Variants in SHC2 observed in about 807,000 individuals in gnomAD.
SHC2 encodes the protein SHC adaptor protein 2.
SHC2 carries 62 observed loss-of-function variants against 60.6 expected under a neutral mutation model. That is an observed-to-expected ratio of 1.02 (90% CI 0.83 to 1.26). The LOEUF (loss-of-function observed/expected upper bound fraction) is 1.26, where lower values mean the gene tolerates loss of function less well. Ranked by LOEUF, SHC2 falls within the 50% of genes most tolerant of loss-of-function variation. SHC2 has a pLI of 0.00. For missense variants in SHC2, 873 were observed against 822.2 expected, an observed-to-expected ratio of 1.06 and a Z score of -0.76; for synonymous variants, 375 against 372.4, an observed-to-expected ratio of 1.01 and a Z score of -0.08.
At chr19:430,052 C>T (rs1974536816) in intron 9 of SHC2, among the ~76,000 whole-genome samples, 2 of 147,510 alleles carry the variant, frequency 1.4e-5, no homozygotes, top group African/African-American at 5.0e-5. Context: ...TGCACGGAAA[C>T]CTAATACCGT....
chr19:439,346 T>C (rs1324981693), intron 2 of SHC2: 23 of 437,926 alleles, frequency 5.3e-5, no homozygotes, highest in Non-Finnish European at 9.2e-5. Context: ...TACCACCCTC[T>C]TTCCCAGGGA....
chr19:443,966 T>G, intron 1 of SHC2, among the ~76,000 whole-genome samples: 1 of 135,632 alleles, frequency 7.4e-6, no homozygotes, highest in Admixed American at 7.3e-5. Context: ...GGATGGAGGG[T>G]GGATGGATGG....
intron 1 of SHC2, among the ~76,000 whole-genome samples, chr19:451,970 G>T (rs1438680303): frequency 6.6e-6 from 1 of 152,234 alleles, no homozygotes; most frequent in Non-Finnish European, 1.5e-5. Flanking sequence ...TGTGACTCCA[G>T]CCGTGGTGTC....
chr19:421,295 G>A (rs550292946), intron 11 of SHC2, among the ~76,000 whole-genome samples: 6 of 151,840 alleles, frequency 4.0e-5, no homozygotes, highest in African/African-American at 1.2e-4. Context: ...AGGTACTGGG[G>A]AAGCTGAGGC....
chr19:455,162 G>C (rs921547182), intron 1 of SHC2, among the ~76,000 whole-genome samples: 7 of 152,246 alleles, frequency 4.6e-5, no homozygotes, highest in African/African-American at 1.7e-4. Flanking sequence ...CCATGACAAA[G>C]TCACTGAGCT....
At chr19:459,839 C>G (rs1390254519) in intron 1 of SHC2, among the ~76,000 whole-genome samples, 1 of 152,202 alleles carries the variant, frequency 6.6e-6, no homozygotes, top group Non-Finnish European at 1.5e-5. Context: ...GCTGCTCTCT[C>G]AGAAGACGGG....
At chr19:421,245 G>A (rs1974261550) in intron 11 of SHC2, among the ~76,000 whole-genome samples, 1 of 148,556 alleles carries the variant, frequency 6.7e-6, no homozygotes, top group South Asian at 2.1e-4. Context: ...AAAAAAATAT[G>A]AAAAATTAGC....
intron 8 of SHC2, 141 bp from the exon 9 acceptor site, chr19:430,888 T>C: frequency 1.4e-6 from 1 of 740,552 alleles, no homozygotes; most frequent in South Asian, 1.8e-5. Context: ...CCCATTGCTC[T>C]CTCACTCTGT....
At chr19:429,907 A>C (rs570880803) in intron 9 of SHC2, among the ~76,000 whole-genome samples, 1 of 145,724 alleles carries the variant, frequency 6.9e-6, no homozygotes, top group Admixed American at 6.9e-5. Context: ...AGAGAAACCT[A>C]ATACCGTGTG....
chr19:430,812 C>G (rs547479544), intron 8 of SHC2, 65 bp from the exon 9 acceptor site: 10 of 1,492,340 alleles, frequency 6.7e-6, no homozygotes, highest in Non-Finnish European at 9.3e-6. Flanking sequence ...TCTGGACCCC[C>G]AGTCTCCCCG....
intron 12 of SHC2, 29 bp downstream of exon 12, chr19:418,894 G>T: frequency 6.4e-7 from 1 of 1,570,476 alleles, no homozygotes; most frequent in Non-Finnish European, 8.7e-7. Context: ...AGGAGGCAAG[G>T]CCAGCGACCC....
intron 4 of SHC2, among the ~76,000 whole-genome samples, chr19:437,393 T>A (rs1316289097): frequency 6.6e-6 from 1 of 152,154 alleles, no homozygotes; most frequent in Non-Finnish European, 1.5e-5. Context: ...CTTGTTTGCA[T>A]GCTCATTTGC....
At chr19:450,632 C>A (rs1975158763) in intron 1 of SHC2, among the ~76,000 whole-genome samples, 1 of 152,250 alleles carries the variant, frequency 6.6e-6, no homozygotes, top group East Asian at 1.9e-4. Flanking sequence ...GAGACATCCT[C>A]AAGGTCCGTC....
At position 460,668 on chromosome 19, in the gene SHC2, C is replaced by A. The variant is rs189741717; in HGVS notation, c.329G>T (p.Gly110Val). Residue 110 changes from glycine (G) to valine (V), a missense_variant, in exon 1 of 13, where the codon GGG becomes GTG. Transcript: ENST00000264554. The part of the protein sequence containing the change: ...RGAGSRGSRG[G>V]RGAAGSGDAA... ...GTCCCCGGACCCCGCCGCCCCCCGC[C>A]CGCCCCGCGACCCCCGCGACCCCGC... 24 of 1,098,642 alleles carry A rather than the reference C, an allele frequency of 2.2e-5. No individual in the cohort carries two copies. The highest frequency in any genetic ancestry group is 2.6e-5 in the Non-Finnish European group (24 of 907,100). 68.1% of individuals were successfully genotyped at this position (1,098,642 alleles called of 1,614,324 possible).
rs1974779066 is a variant in SHC2, at chr19:438,765, G to A, written c.673C>T (p.His225Tyr). The A allele has an allele frequency of 1.3e-6, 2 of 1,574,298 alleles. No homozygotes were observed. The highest frequency in any genetic ancestry group is 1.3e-5 in the African/African-American group (1 of 74,094). The part of the protein sequence containing the change: ...LRFAGMSISI[H>Y]ISTDGLSLSV... The stretch of plus-strand genomic sequence containing the variant: ...AGGCTGAGGCCATCAGTGGAGATGT[G>A]GATGGAGATGCTCATGCCGGCAAAG... The change falls in exon 4 of 13, where the codon CAC becomes TAC. Residue 225 changes from histidine to tyrosine, a missense_variant. Transcript: ENST00000264554. This position sits in a 1 kb window ranked among gnomAD's most constrained non-coding sequence, Gnocchi z 5.0.
In SHC2 at chr19:440,986, C is replaced by T. The variant is rs373950260; in HGVS notation, c.469-54G>A. 6.5e-5 allele frequency: 102 copies of T among 1,565,256 alleles called. No homozygotes were observed. The highest frequency in any genetic ancestry group is 8.0e-5 in the Non-Finnish European group (91 of 1,137,518). On this transcript the variant is annotated intron_variant, in intron 1 of 12. Transcript: ENST00000264554. The surrounding 1 kb of genome is among the most constrained non-coding windows in gnomAD (Gnocchi z 7.0). Reference sequence around the variant, plus strand: ...CATCGGAACCCCCGCAGTGGAGCCACGTCCCTTTTCCCAGCAGCCCTTCGC... The same window carrying T: ...CATCGGAACCCCCGCAGTGGAGCCATGTCCCTTTTCCCAGCAGCCCTTCGC...
chr19:424,241 G>A lies in SHC2; in HGVS notation c.1309+856C>T, dbSNP rs767534865. Among the ~76,000 whole-genome samples the A allele has an allele frequency of 1.3e-5, 2 of 152,176 alleles. No individual in the cohort carries two copies. Among genetic ancestry groups the A allele is most frequent in the African/African-American group, 2.4e-5 (1 of 41,446 alleles). On this transcript the variant is annotated intron_variant, in intron 10 of 12. Coordinates refer to ENST00000264554, the MANE Select transcript of SHC2 (RefSeq NM_012435.3). The surrounding 1 kb of genome is among the most constrained non-coding windows in gnomAD (Gnocchi z 4.5). Reference sequence around the variant, plus strand: ...GGACAAGCCTCCTCCGCCCGGCTGGGGGCTCCCTCGGGCTGGGTCATCCAC... The same window carrying A: ...GGACAAGCCTCCTCCGCCCGGCTGGAGGCTCCCTCGGGCTGGGTCATCCAC...
chr19:435,244 C>G (rs1285998986), intron 7 of SHC2, among the ~76,000 whole-genome samples: 1 of 152,258 alleles, frequency 6.6e-6, no homozygotes, highest in East Asian at 1.9e-4. Flanking sequence ...CGCCCTCTGG[C>G]CCCGATGGCA....
intron 1 of SHC2, among the ~76,000 whole-genome samples, chr19:444,495 C>T (rs1975002960): frequency 6.6e-6 from 1 of 152,150 alleles, no homozygotes; most frequent in Non-Finnish European, 1.5e-5. Flanking sequence ...GTCCATGGGT[C>T]CCGTTGTGGG....
Sources: gnomAD v4.1 joint callset for allele counts (sites outside exome capture counted in the v4.1 genomes callset) on GRCh38, gnomAD v4.1.1 for gene constraint, Gnocchi (gnomAD v3.1) non-coding constraint, MANE v1.5 for transcripts, NCBI Gene and HGNC (gene_info 2026-07-23, HGNC 2026-07-21) for gene names.